Variants in PDE2A observed in about 807,000 individuals in gnomAD.
The protein encoded by PDE2A is phosphodiesterase 2A.
In PDE2A, 53 loss-of-function variants were observed where a neutral mutation model predicts 133.6. The ratio of observed to expected loss-of-function variants is 0.40; its 90% CI spans 0.32 to 0.50. The LOEUF (loss-of-function observed/expected upper bound fraction) is 0.50. Ranked by LOEUF, PDE2A falls within the 20% of genes least tolerant of loss-of-function variation. The probability of loss-of-function intolerance (pLI) is 0.73; values close to 1 mark genes in which losing one functional copy is unlikely to be tolerated. For synonymous variants in PDE2A, 491 were observed against 490.2 expected (o/e 1.00, Z -0.02); for missense variants, 796 against 1,232.4 (o/e 0.65, Z 5.30).
intron 1 of PDE2A, among the ~76,000 whole-genome samples, chr11:72,656,657 C>G (rs1854908817): frequency 6.6e-6 from 1 of 151,894 alleles, no homozygotes; most frequent in African/African-American, 2.4e-5. Flanking sequence ...AAACTGAGGG[C>G]AAAGTCACCC....
chr11:72,634,208 C>CGGGGAGGCACACTTCTGGCCTGCAGCTG (rs1314602418), intron 2 of PDE2A, among the ~76,000 whole-genome samples: 11 of 152,042 alleles, frequency 7.2e-5, no homozygotes, highest in Non-Finnish European at 1.3e-4. Context: ...CAGGAGGGCC[C>CGGGGAGGCACACTTCTGGCCTGCAGCTG]GGGGAGGCAC....
At chr11:72,658,251 G>C (rs1854953962) in intron 1 of PDE2A, 8 of 391,728 alleles carry the variant, frequency 2.0e-5, no homozygotes, top group South Asian at 1.5e-4. Flanking sequence ...ATTGGGCTGG[G>C]AGCTCCTCCT....
At chr11:72,658,295 A>G in intron 1 of PDE2A, 1 of 368,012 alleles carries the variant, frequency 2.7e-6, no homozygotes, top group South Asian at 2.0e-5. Context: ...AAACAAGGGC[A>G]GATCTTCCCA....
intron 4 of PDE2A, among the ~76,000 whole-genome samples, chr11:72,604,359 C>A (rs1256166516): frequency 6.6e-6 from 1 of 152,202 alleles, no homozygotes; most frequent in African/African-American, 2.4e-5. Flanking sequence ...CTCATGATAT[C>A]CACCCATCTG....
chr11:72,637,217 T>G (rs773721666), intron 2 of PDE2A, among the ~76,000 whole-genome samples: 3 of 152,208 alleles, frequency 2.0e-5, no homozygotes, highest in Non-Finnish European at 4.4e-5. Context: ...TATATCACCA[T>G]GGCCCCTGAG....
chr11:72,578,586 C>G lies in PDE2A; in HGVS notation c.2470-72G>C. The G allele has an allele frequency of 7.6e-7, 1 of 1,317,504 alleles. No homozygotes were observed. Among genetic ancestry groups the G allele is most frequent in the Middle Eastern group, 1.8e-4 (1 of 5,492 alleles). The allele number at this position is 1,317,504 out of a possible 1,614,324, so 81.6% of individuals were successfully genotyped here. A position where few individuals can be genotyped will look rare whatever the true frequency, so the allele number is the denominator to read the frequency against. On this transcript the variant is annotated intron_variant, in intron 28 of 30. Transcript: ENST00000334456. This position sits in a 1 kb window ranked among gnomAD's most constrained non-coding sequence, Gnocchi z 4.2. ...ACCCAAGCTCCTCTGACAGCCCGTT[C>G]CCAGGAGAGAAAACTGAGGCCCAGG...
Position 72,590,674 on chromosome 11 carries a change from G to T in PDE2A, c.550-94C>A. On this transcript the variant is annotated intron_variant, in intron 7 of 30. Transcript: ENST00000334456. This position sits in a 1 kb window ranked among gnomAD's most constrained non-coding sequence, Gnocchi z 4.8. ...TGCCTTTGCTCCCGCCGTTCCCTCTGCCTGCCGGGCCCAGGGACCCCGCCG... is the reference window on the plus strand; with the variant it reads ...TGCCTTTGCTCCCGCCGTTCCCTCTTCCTGCCGGGCCCAGGGACCCCGCCG... 8.5e-7 allele frequency: 1 copy of T among 1,173,992 alleles called. No homozygotes were observed. The highest frequency in any genetic ancestry group is 1.1e-6 in the Non-Finnish European group (1 of 903,992). The allele number at this position is 1,173,992 out of a possible 1,614,324, so 72.7% of individuals were successfully genotyped here.
chr11:72,621,935 G>C (rs1317421042), intron 2 of PDE2A: 1 of 152,150 alleles, frequency 6.6e-6, no homozygotes, highest in African/African-American at 2.4e-5. Flanking sequence ...TATTTGCAAA[G>C]CTTTTATCTG....
intron 4 of PDE2A, among the ~76,000 whole-genome samples, chr11:72,603,078 C>A (rs1856827542): frequency 6.6e-6 from 1 of 152,188 alleles, no homozygotes; most frequent in African/African-American, 2.4e-5. Context: ...TTCACAGGGG[C>A]CATGGAAAGA....
At chr11:72,595,230 G>A (rs1382578918) in intron 6 of PDE2A, among the ~76,000 whole-genome samples, 1 of 152,108 alleles carries the variant, frequency 6.6e-6, no homozygotes, top group African/African-American at 2.4e-5. Context: ...GGCACCCCAG[G>A]CCCTTTGCCC....
intron 2 of PDE2A, among the ~76,000 whole-genome samples, chr11:72,625,964 G>A (rs114841285): frequency 3.3e-5 from 5 of 152,346 alleles, no homozygotes; most frequent in Admixed American, 2.6e-4. Flanking sequence ...GGGTGGGGCC[G>A]GCTGGAGCAA....
At chr11:72,593,540 A>G (rs1168279052) in intron 6 of PDE2A, among the ~76,000 whole-genome samples, 2 of 152,216 alleles carry the variant, frequency 1.3e-5, no homozygotes, top group East Asian at 3.8e-4. Context: ...AAAATGGTTA[A>G]TGGCATGAAC....
At chr11:72,611,783 C>A (rs115613145) in intron 2 of PDE2A, among the ~76,000 whole-genome samples, 1,538 of 152,300 alleles carry the variant, frequency 0.01, 23 homozygotes, top group African/African-American at 0.035. Flanking sequence ...TGGGAAGGGC[C>A]ACTTCAGATC....
chr11:72,584,378 G>T, intron 18 of PDE2A, 65 bp from the exon 19 acceptor site: 2 of 1,283,646 alleles, frequency 1.6e-6, no homozygotes, highest in Middle Eastern at 1.8e-4. Flanking sequence ...GGAGGGATCC[G>T]GCCGGGACCT....
At chr11:72,605,469 AC>A (rs1856930939) in intron 3 of PDE2A, among the ~76,000 whole-genome samples, 1 of 152,152 alleles carries the variant, frequency 6.6e-6, no homozygotes, top group South Asian at 2.1e-4. Flanking sequence ...TGATTCATGA[AC>A]CTATGACCTT....
At position 72,590,106 on chromosome 11, in the gene PDE2A, G is replaced by T; in HGVS notation, c.756+86C>A. On this transcript the variant is annotated intron_variant, in intron 9 of 30. Transcript: ENST00000334456. The surrounding 1 kb of genome is among the most constrained non-coding windows in gnomAD (Gnocchi z 4.8). ...GAGAGGAAGGAAGGACATCGTAATT[G>T]GAACTGAGATGGAGGGCTCAAGGGG... 7.1e-7 allele frequency: 1 copy of T among 1,399,696 alleles called. No homozygotes were observed. Among genetic ancestry groups the T allele is most frequent in the Non-Finnish European group, 9.8e-7 (1 of 1,015,494 alleles). 86.7% of individuals were successfully genotyped at this position (1,399,696 alleles called of 1,614,324 possible). A position where few individuals can be genotyped will look rare whatever the true frequency, so the allele number is the denominator to read the frequency against.
At chr11:72,620,273 C>T (rs1857690773) in intron 2 of PDE2A, among the ~76,000 whole-genome samples, 1 of 152,150 alleles carries the variant, frequency 6.6e-6, no homozygotes, top group Non-Finnish European at 1.5e-5. Context: ...TCCTCACTTC[C>T]CTGGGGCCCT....
intron 5 of PDE2A, 108 bp from the exon 6 acceptor site, chr11:72,596,756 G>T: frequency 1.7e-6 from 1 of 593,482 alleles, no homozygotes; most frequent in Non-Finnish European, 2.7e-6. Context: ...GAGAGGCCAG[G>T]ACAGAGACAC....
At chr11:72,660,004 C>T (rs1855006724) in intron 1 of PDE2A, among the ~76,000 whole-genome samples, 1 of 152,208 alleles carries the variant, frequency 6.6e-6, no homozygotes, top group Non-Finnish European at 1.5e-5. Context: ...GAGGCACCCC[C>T]ACTCCATGTG....
Sources: gnomAD v4.1 joint callset for allele counts (sites outside exome capture counted in the v4.1 genomes callset) on GRCh38, gnomAD v4.1.1 for gene constraint, Gnocchi (gnomAD v3.1) non-coding constraint, MANE v1.5 for transcripts, NCBI Gene and HGNC (gene_info 2026-07-23, HGNC 2026-07-21) for gene names.